The following ARHGAP22 variants were observed in gnomAD, a reference collection of about 807,000 sequenced individuals.
The protein encoded by ARHGAP22 is Rho GTPase activating protein 22.
Under a neutral mutation model 59.1 loss-of-function variants are expected in ARHGAP22, and 48 were observed. The observed-to-expected ratio is 0.81, with a 90% CI of 0.64 to 1.03. The LOEUF is 1.03. Ranked by LOEUF, ARHGAP22 falls within the 50% of genes least tolerant of loss-of-function variation. The pLI is 0.00. For missense variants in ARHGAP22, 1,015 were observed against 958.7 expected (o/e 1.06, Z -0.78); for synonymous variants, 445 against 416.4 (o/e 1.07, Z -0.84).
intron 3 of ARHGAP22, among the ~76,000 whole-genome samples, chr10:48,531,614 A>G (rs1203194049): frequency 6.6e-6 from 1 of 152,040 alleles, no homozygotes; most frequent in African/African-American, 2.4e-5. Context: ...GAGCAATCCT[A>G]TGCATTCGAT....
chr10:48,596,414 G>T (rs982398849), intron 1 of ARHGAP22, among the ~76,000 whole-genome samples: 3 of 152,176 alleles, frequency 2.0e-5, no homozygotes, highest in African/African-American at 7.2e-5. Context: ...GGCAGCAGCA[G>T]TGAGACAGTC....
At chr10:48,475,877 T>C (rs1402598889) in intron 4 of ARHGAP22, among the ~76,000 whole-genome samples, 2 of 152,198 alleles carry the variant, frequency 1.3e-5, no homozygotes, top group African/African-American at 4.8e-5. Context: ...CATTCATTCT[T>C]TGGTCTCTCT....
intron 3 of ARHGAP22, among the ~76,000 whole-genome samples, chr10:48,547,139 G>T (rs1046923048): frequency 2.6e-5 from 4 of 152,222 alleles, no homozygotes; most frequent in African/African-American, 9.6e-5. Flanking sequence ...GGCACAAACA[G>T]GAAGATGGCT....
At chr10:48,496,890 C>G (rs2050994371) in intron 3 of ARHGAP22, among the ~76,000 whole-genome samples, 1 of 152,128 alleles carries the variant, frequency 6.6e-6, no homozygotes, top group Admixed American at 6.5e-5. Flanking sequence ...GCCCTAACTG[C>G]CACTGGGCCG....
At chr10:48,462,731 C>T (rs746764987) in intron 4 of ARHGAP22, among the ~76,000 whole-genome samples, 4 of 152,234 alleles carry the variant, frequency 2.6e-5, no homozygotes, top group Non-Finnish European at 5.9e-5. Context: ...CAAGACCAGG[C>T]GCCCCTGCCC....
intron 3 of ARHGAP22, among the ~76,000 whole-genome samples, chr10:48,512,204 A>G (rs1329895777): frequency 6.6e-6 from 1 of 152,190 alleles, no homozygotes; most frequent in African/African-American, 2.4e-5. Flanking sequence ...TGCTTTTCTT[A>G]TTGTCCTTTG....
At chr10:48,499,626 G>T (rs1472173767) in intron 3 of ARHGAP22, among the ~76,000 whole-genome samples, 2 of 152,182 alleles carry the variant, frequency 1.3e-5, no homozygotes, top group East Asian at 3.8e-4. Flanking sequence ...AGAAAGAATG[G>T]AAAACTATGA....
At position 48,622,278 on chromosome 10, in the gene ARHGAP22, CT is replaced by C. The variant is rs560438508; in HGVS notation, c.52+29955del. Among the ~76,000 whole-genome samples, 18 of 151,748 alleles carry C rather than the reference CT, an allele frequency of 1.2e-4. No homozygotes were observed. In the East Asian group the frequency reaches 3.5e-3, roughly 29 times the overall value. ...ATTTTCTGTCATACCCTTTTAAGAC[CT>C]TTTTTTCTTTTACTGTATATTTTTG... On this transcript the variant is annotated intron_variant, in intron 1 of 9. Transcript: ENST00000435790.
chr10:48,434,477 T>C, the ARHGAP22 span, among the ~76,000 whole-genome samples: 1 of 152,212 alleles, frequency 6.6e-6, no homozygotes, highest in Non-Finnish European at 1.5e-5. Flanking sequence ...CTTTTAACTT[T>C]TGTAGTTACA....
intron 4 of ARHGAP22, among the ~76,000 whole-genome samples, chr10:48,472,867 G>A (rs1022004935): frequency 6.6e-6 from 1 of 152,112 alleles, no homozygotes; most frequent in Non-Finnish European, 1.5e-5. Context: ...GGATGTAGAT[G>A]AACTAGAAAA....
At chr10:48,450,194 G>A in intron 9 of ARHGAP22, 67 bp downstream of exon 9, 1 of 1,558,132 alleles carries the variant, frequency 6.4e-7, no homozygotes, top group East Asian at 2.4e-5. Context: ...ACGCCCATGT[G>A]CCAAGAGCAC....
At chr10:48,622,061 T>G (rs1376312594) in intron 1 of ARHGAP22, among the ~76,000 whole-genome samples, 1 of 152,214 alleles carries the variant, frequency 6.6e-6, no homozygotes, top group African/African-American at 2.4e-5. Flanking sequence ...GACAGCATAT[T>G]GTTGGATCAT....
intron 3 of ARHGAP22, chr10:48,523,905 C>G (rs951094626): frequency 3.7e-6 from 2 of 546,414 alleles, no homozygotes; most frequent in African/African-American, 4.0e-5. Flanking sequence ...TTAGGAGACT[C>G]AGAGGAGCAG....
upstream of ARHGAP22, among the ~76,000 whole-genome samples, chr10:48,606,409 T>C (rs1470755919): frequency 6.6e-6 from 1 of 152,092 alleles, no homozygotes; most frequent in Non-Finnish European, 1.5e-5. Context: ...GTAGAGTCCA[T>C]GGACACAAAG....
intron 2 of ARHGAP22, among the ~76,000 whole-genome samples, chr10:48,562,708 T>G (rs1403329962): frequency 6.6e-6 from 1 of 152,336 alleles, no homozygotes; most frequent in Admixed American, 6.5e-5. Context: ...CTGCCTTGAT[T>G]GTGGTGATAG....
chr10:48,624,765 G>A (rs2061391707), intron 1 of ARHGAP22, among the ~76,000 whole-genome samples: 1 of 152,200 alleles, frequency 6.6e-6, no homozygotes, highest in African/African-American at 2.4e-5. Context: ...AAGCAGCACA[G>A]GTTGGAGATC....
At chr10:48,627,882 G>A (rs1292812398) in intron 1 of ARHGAP22, among the ~76,000 whole-genome samples, 1 of 152,210 alleles carries the variant, frequency 6.6e-6, no homozygotes, top group African/African-American at 2.4e-5. Flanking sequence ...CTGGTGTGAG[G>A]CTGGCTTAGC....
At chr10:48,597,721 T>C (rs536872453) in intron 1 of ARHGAP22, among the ~76,000 whole-genome samples, 106 of 152,356 alleles carry the variant, frequency 7.0e-4, no homozygotes, top group African/African-American at 2.4e-3. Flanking sequence ...GTGCTTGCTG[T>C]TTCTGCTCTG....
At chr10:48,543,333 G>A (rs555299014) in intron 3 of ARHGAP22, among the ~76,000 whole-genome samples, 2 of 152,202 alleles carry the variant, frequency 1.3e-5, no homozygotes, top group African/African-American at 4.8e-5. Flanking sequence ...ACAGTGCCCA[G>A]AATCAAACAC....
Sources: gnomAD v4.1 joint callset for allele counts (sites outside exome capture counted in the v4.1 genomes callset) on GRCh38, gnomAD v4.1.1 for gene constraint, MANE v1.5 for transcripts, NCBI Gene and HGNC (gene_info 2026-07-23, HGNC 2026-07-21) for gene names.